Variants in KCTD8 observed in about 807,000 individuals in gnomAD.
The protein encoded by KCTD8 is BTB/POZ domain-containing protein KCTD8.
A neutral mutation model predicts 31.5 loss-of-function variants in KCTD8; 27 were observed. The ratio of observed to expected loss-of-function variants is 0.86; its 90% confidence interval spans 0.63 to 1.18. KCTD8 has a LOEUF of 1.18. Among genes scored for constraint, KCTD8 ranks in the 50% most tolerant of loss-of-function variants. The pLI, the probability that KCTD8 is intolerant of heterozygous loss-of-function variation, is 0.00. For missense variants in KCTD8, 658 were observed against 647.7 expected (o/e 1.02, Z -0.17); for synonymous variants, 290 against 280.0 (o/e 1.04, Z -0.36).
intron 1 of KCTD8, among the ~76,000 whole-genome samples, chr4:44,246,954 C>A (rs1282584395): frequency 6.6e-6 from 1 of 152,000 alleles, no homozygotes. Context: ...CGATGTTCCA[C>A]AGGATTGTGT....
At chr4:44,270,202 T>C (rs892723631) in intron 1 of KCTD8, among the ~76,000 whole-genome samples, 2 of 152,026 alleles carry the variant, frequency 1.3e-5, no homozygotes, top group Admixed American at 6.6e-5. Context: ...CATGGAATGC[T>C]ATGCAACCAT....
chr4:44,424,299 C>A (rs1250418771), intron 1 of KCTD8, among the ~76,000 whole-genome samples: 1 of 152,074 alleles, frequency 6.6e-6, no homozygotes, highest in South Asian at 2.1e-4. Flanking sequence ...GTATTTGTCT[C>A]TATACGTAGT....
chr4:44,308,830 C>T (rs1717876078), intron 1 of KCTD8, among the ~76,000 whole-genome samples: 1 of 152,056 alleles, frequency 6.6e-6, no homozygotes, highest in South Asian at 2.1e-4. Context: ...TGAATCACTG[C>T]CATATATCTT....
chr4:44,406,688 C>A (rs185049007), intron 1 of KCTD8, among the ~76,000 whole-genome samples: 33 of 152,086 alleles, frequency 2.2e-4, no homozygotes, highest in Admixed American at 3.9e-4. Flanking sequence ...AAAAGTGAAT[C>A]CAGGAGCATA....
chr4:44,215,993 C>T (rs1163013102), intron 1 of KCTD8, among the ~76,000 whole-genome samples: 2 of 151,974 alleles, frequency 1.3e-5, no homozygotes, highest in African/African-American at 4.8e-5. Context: ...AACCAAAAGG[C>T]ACTTTAAAAT....
chr4:44,441,379 C>T (rs545010411), intron 1 of KCTD8, among the ~76,000 whole-genome samples: 2 of 152,060 alleles, frequency 1.3e-5, no homozygotes, highest in Non-Finnish European at 2.9e-5. Context: ...TTCATGAATA[C>T]GATAGCATTA....
intron 1 of KCTD8, among the ~76,000 whole-genome samples, chr4:44,381,915 C>A (rs75180799): frequency 0.069 from 10,404 of 151,858 alleles, 428 homozygotes; most frequent in South Asian, 0.11. Context: ...AACCTATTTT[C>A]TTTAATTACC....
intron 1 of KCTD8, among the ~76,000 whole-genome samples, chr4:44,211,083 A>C (rs1714473650): frequency 6.6e-6 from 1 of 152,154 alleles, no homozygotes; most frequent in Admixed American, 6.5e-5. Flanking sequence ...TCCTTATGAC[A>C]CCATTAGAAT....
intron 1 of KCTD8, among the ~76,000 whole-genome samples, chr4:44,220,317 T>C (rs1653660672): frequency 6.6e-6 from 1 of 152,148 alleles, no homozygotes. Flanking sequence ...GTCTAACAAC[T>C]AGAATGAAGT....
chr4:44,214,092 T>G (rs1714573164), intron 1 of KCTD8, among the ~76,000 whole-genome samples: 1 of 152,196 alleles, frequency 6.6e-6, no homozygotes, highest in Non-Finnish European at 1.5e-5. Flanking sequence ...ACTTATTCAT[T>G]TCTGTAAGCC....
intron 1 of KCTD8, among the ~76,000 whole-genome samples, chr4:44,412,386 T>TG (rs1018330859): frequency 6.6e-6 from 1 of 152,158 alleles, no homozygotes; most frequent in African/African-American, 2.4e-5. Flanking sequence ...GTTGACTCTT[T>TG]GAGTTATCTT....
chr4:44,385,058 ACTG>A (rs1245439865), intron 1 of KCTD8, among the ~76,000 whole-genome samples: 1 of 151,612 alleles, frequency 6.6e-6, no homozygotes, highest in African/African-American at 2.4e-5. Flanking sequence ...AAACTACAAA[ACTG>A]AAGAAGAAGA....
At chr4:44,219,465 G>C (rs1714743720) in intron 1 of KCTD8, among the ~76,000 whole-genome samples, 1 of 152,136 alleles carries the variant, frequency 6.6e-6, no homozygotes, top group Non-Finnish European at 1.5e-5. Context: ...CTTAAAGATG[G>C]GGGAAGTTTG....
At position 44,201,799 on chromosome 4, in the gene KCTD8, C is replaced by A. The variant is rs183305148; in HGVS notation, c.962-26549G>T. The stretch of plus-strand genomic sequence containing the variant: ...AACAAAAATAAAATTGACAGTGTGA[C>A]CTAATCAAACTAAAGATCTTTTGCA... On this transcript the variant is annotated intron_variant, in intron 1 of 1. Transcript: ENST00000360029. 7.9e-5 allele frequency among the ~76,000 whole-genome samples: 12 copies of A among 152,118 alleles called. No individual in the cohort carries two copies. The East Asian group carries it at 2.1e-3, about 27-fold the overall frequency.
At chr4:44,437,227 C>A (rs1721678598) in intron 1 of KCTD8, among the ~76,000 whole-genome samples, 2 of 151,968 alleles carry the variant, frequency 1.3e-5, no homozygotes, top group African/African-American at 2.4e-5. Context: ...CAAGAAGTGG[C>A]CAAGGAGCAC....
At chr4:44,277,674 C>A (rs956251983) in intron 1 of KCTD8, among the ~76,000 whole-genome samples, 2 of 151,820 alleles carry the variant, frequency 1.3e-5, no homozygotes, top group African/African-American at 4.8e-5. Flanking sequence ...TAGTAATGCA[C>A]ATTATGGAGC....
intron 1 of KCTD8, among the ~76,000 whole-genome samples, chr4:44,324,943 T>C (rs1718404091): frequency 6.6e-6 from 1 of 152,006 alleles, no homozygotes; most frequent in South Asian, 2.1e-4. Context: ...CCCTGAACTT[T>C]ATTTTCTTTA....
At chr4:44,409,856 C>T (rs200029579) in intron 1 of KCTD8, among the ~76,000 whole-genome samples, 1 of 142,376 alleles carries the variant, frequency 7.0e-6, no homozygotes, top group Non-Finnish European at 1.5e-5. Context: ...AAAAAAAAAA[C>T]AAAAGTAGGC....
intron 1 of KCTD8, among the ~76,000 whole-genome samples, chr4:44,426,685 A>G (rs904974680): frequency 4.0e-5 from 6 of 151,898 alleles, no homozygotes; most frequent in African/African-American, 1.4e-4. Context: ...ATTTATAAGT[A>G]TTAAAGAACT....
Sources: allele counts gnomAD v4.1 joint callset (sites outside exome capture counted in the v4.1 genomes callset), GRCh38; gene constraint gnomAD v4.1.1; transcripts MANE v1.5; gene names NCBI Gene and HGNC (gene_info 2026-07-23, HGNC 2026-07-21).